Variants in WDR7 observed in about 807,000 individuals in gnomAD.
WDR7 encodes the protein WD repeat domain 7.
In WDR7, 46 loss-of-function variants were observed where a neutral mutation model predicts 169.4. The ratio of observed to expected loss-of-function variants is 0.27; its 90% CI spans 0.21 to 0.35. The LOEUF (loss-of-function observed/expected upper bound fraction) is 0.35, where lower values mean the gene tolerates loss of function less well. Ranked by LOEUF, WDR7 falls within the 10% of genes least tolerant of loss-of-function variation. The pLI, the probability that WDR7 is intolerant of heterozygous loss-of-function variation, is 1.00. For synonymous variants in WDR7, 612 were observed against 666.8 expected, an observed-to-expected ratio of 0.92 and a Z score of 1.27; for missense variants, 1,534 against 1,859.3, an observed-to-expected ratio of 0.83 and a Z score of 3.22.
chr18:56,947,102 A>G (rs2047113427), intron 25 of WDR7, among the ~76,000 whole-genome samples: 1 of 152,242 alleles, frequency 6.6e-6, no homozygotes, highest in South Asian at 2.1e-4. Flanking sequence ...AAACACAGTT[A>G]TACAAAATAG....
At chr18:56,849,332 T>G (rs1266860956) in intron 20 of WDR7, among the ~76,000 whole-genome samples, 3 of 152,244 alleles carry the variant, frequency 2.0e-5, no homozygotes, top group African/African-American at 7.2e-5. Context: ...TCCCAGGACA[T>G]GGTTCTTTTG....
intron 19 of WDR7, among the ~76,000 whole-genome samples, chr18:56,791,332 A>T (rs966590140): frequency 1.7e-4 from 26 of 152,210 alleles, no homozygotes; most frequent in Admixed American, 6.5e-4. Flanking sequence ...ATTAAATTAC[A>T]TCTTTCTAAT....
intron 26 of WDR7, among the ~76,000 whole-genome samples, chr18:56,971,311 C>T (rs888474484): frequency 6.6e-6 from 1 of 150,828 alleles, no homozygotes; most frequent in Non-Finnish European, 1.5e-5. Flanking sequence ...AACACCCCCA[C>T]TATTGGCCTG....
At chr18:56,679,054 G>A (rs1024348056) in intron 2 of WDR7, among the ~76,000 whole-genome samples, 1 of 152,166 alleles carries the variant, frequency 6.6e-6, no homozygotes, top group South Asian at 2.1e-4. Context: ...TTTGCTTAAG[G>A]CCTGTTGTAA....
At chr18:56,968,912 T>G (rs950189969) in intron 26 of WDR7, among the ~76,000 whole-genome samples, 2 of 152,200 alleles carry the variant, frequency 1.3e-5, no homozygotes, top group African/African-American at 2.4e-5. Flanking sequence ...TTAATTCTTA[T>G]CACTCTACTG....
chr18:56,693,573 G>GTTTTTTTTTTT (rs1254201598), intron 9 of WDR7, among the ~76,000 whole-genome samples: 40 of 54,358 alleles, frequency 7.4e-4, no homozygotes, highest in East Asian at 1.9e-3. Context: ...TTTTTTTTTT[G>GTTTTTTTTTTT]TTTTTTTTTT....
chr18:56,825,265 G>A lies in WDR7; in HGVS notation c.3304+9121G>A, dbSNP rs541221730. On this transcript the variant is annotated intron_variant, in intron 20 of 27. Transcript: ENST00000254442. ...TTTATTTTTTGTGTGTGCATGTAAA[G>A]GTTGTTTGCATGTAATATTTTTGCA... is the stretch of plus-strand genomic sequence containing the variant. Among the ~76,000 whole-genome samples, 201 of 152,248 alleles carry A rather than the reference G, an allele frequency of 1.3e-3. 1 individual carries two copies. The highest frequency in any genetic ancestry group is 4.7e-3 in the African/African-American group (196 of 41,548).
At chr18:56,736,182 A>G (rs532692910) in intron 14 of WDR7, among the ~76,000 whole-genome samples, 17 of 152,288 alleles carry the variant, frequency 1.1e-4, no homozygotes, top group South Asian at 2.1e-4. Flanking sequence ...CTGAAACTCT[A>G]TGTGATCAGA....
intron 2 of WDR7, among the ~76,000 whole-genome samples, chr18:56,673,804 A>T (rs529487126): frequency 5.9e-5 from 9 of 152,002 alleles, no homozygotes; most frequent in Admixed American, 5.9e-4. Flanking sequence ...AGCCTGGGCA[A>T]TGGGAGTGAG....
chr18:56,769,411 C>T (rs573924898), intron 16 of WDR7, among the ~76,000 whole-genome samples: 68 of 152,150 alleles, frequency 4.5e-4, no homozygotes, highest in Non-Finnish European at 8.7e-4. Context: ...ATTGCCCAGG[C>T]TGGTTTCGAA....
intron 21 of WDR7, among the ~76,000 whole-genome samples, chr18:56,920,069 A>G (rs1174290529): frequency 1.3e-5 from 2 of 151,088 alleles, no homozygotes; most frequent in Non-Finnish European, 2.9e-5. Context: ...CCCTTCACCT[A>G]TTTATCCCTT....
At chr18:56,892,019 C>A (rs1301554088) in intron 21 of WDR7, among the ~76,000 whole-genome samples, 1 of 151,990 alleles carries the variant, frequency 6.6e-6, no homozygotes, top group Non-Finnish European at 1.5e-5. Context: ...TTTTTAACTG[C>A]GATCTGACAC....
chr18:56,868,141 A>G (rs942630631), intron 20 of WDR7, among the ~76,000 whole-genome samples: 5 of 152,186 alleles, frequency 3.3e-5, no homozygotes, highest in African/African-American at 1.2e-4. Flanking sequence ...AAAGCAGAAG[A>G]AAAAATAACG....
chr18:56,804,655 C>G (rs570875113), intron 19 of WDR7, among the ~76,000 whole-genome samples: 2 of 152,140 alleles, frequency 1.3e-5, no homozygotes, highest in East Asian at 3.9e-4. Flanking sequence ...ATTGTGTGTA[C>G]TCAGCTTTAT....
intron 21 of WDR7, among the ~76,000 whole-genome samples, chr18:56,921,441 A>G (rs964718194): frequency 6.6e-6 from 1 of 152,154 alleles, no homozygotes; most frequent in Non-Finnish European, 1.5e-5. Context: ...TTACTTGGAG[A>G]CTATAATTTG....
intron 12 of WDR7, among the ~76,000 whole-genome samples, chr18:56,705,877 A>T (rs1001435752): frequency 1.3e-5 from 2 of 152,198 alleles, no homozygotes; most frequent in Non-Finnish European, 2.9e-5. Flanking sequence ...GCGTGCCTAT[A>T]GTCCCAGCTA....
At chr18:56,729,348 A>G (rs1463993735) in intron 13 of WDR7, among the ~76,000 whole-genome samples, 4 of 152,188 alleles carry the variant, frequency 2.6e-5, no homozygotes, top group Admixed American at 2.0e-4. Context: ...TTGATATGTT[A>G]CAAATCTTCA....
chr18:57,004,441 T>A (rs1315575985), intron 26 of WDR7, among the ~76,000 whole-genome samples: 1 of 152,068 alleles, frequency 6.6e-6, no homozygotes, highest in African/African-American at 2.4e-5. Flanking sequence ...CACTATAAAT[T>A]CTACAACATT....
chr18:56,855,702 G>A (rs142291935), intron 20 of WDR7, among the ~76,000 whole-genome samples: 28 of 151,980 alleles, frequency 1.8e-4, no homozygotes, highest in Non-Finnish European at 2.5e-4. Context: ...TACTTACTGC[G>A]GCTTTATAAT....
Sources: gnomAD v4.1 joint callset for allele counts (sites outside exome capture counted in the v4.1 genomes callset) on GRCh38, gnomAD v4.1.1 for gene constraint, MANE v1.5 for transcripts, NCBI Gene and HGNC (gene_info 2026-07-23, HGNC 2026-07-21) for gene names.